The following PCDHGA6 variants were observed in gnomAD, a reference collection of about 807,000 sequenced individuals.
PCDHGA6 encodes protocadherin gamma subfamily A, 6, also known as protocadherin gamma-A6.
PCDHGA6 carries 41 observed loss-of-function variants against 60.6 expected under a neutral mutation model. That is an observed-to-expected ratio of 0.68 (90% CI 0.53 to 0.88). The LOEUF is 0.88. Ranked by LOEUF, PCDHGA6 falls within the 40% of genes least tolerant of loss-of-function variation. The pLI is 0.00. For synonymous variants in PCDHGA6, 594 were observed against 524.4 expected (o/e 1.13, Z -1.81); for missense variants, 1,312 against 1,203.0 (o/e 1.09, Z -1.34).
chr5:141,478,454 A>T, intron 1 of PCDHGA6: 1 of 1,613,596 alleles, frequency 6.2e-7, no homozygotes. Flanking sequence ...TGGTGCAGCC[A>T]GTCCACTGGC....
intron 1 of PCDHGA6, chr5:141,415,740 G>GTTTTGTTTTT (rs2095911163): frequency 1.9e-6 from 1 of 515,998 alleles, no homozygotes; most frequent in African/African-American, 2.8e-5. Context: ...GTTTATTAAG[G>GTTTTGTTTTT]TTTTTTTTTT....
At position 141,428,173 on chromosome 5, in the gene PCDHGA6, C is replaced by T. The variant is rs192741775; in HGVS notation, c.2424+51666C>T. The T allele has an allele frequency of 3.3e-6, 5 of 1,514,730 alleles. No homozygotes were observed. In the East Asian group the frequency reaches 9.1e-5, roughly 28 times the overall value. 93.8% of individuals were successfully genotyped at this position (1,514,730 alleles called of 1,614,324 possible). A position where few individuals can be genotyped will look rare whatever the true frequency, so the allele number is the denominator to read the frequency against. On this transcript the variant is annotated intron_variant, in intron 1 of 3. Transcript: ENST00000517434. ...GGAACCTGCTGGTTGCTGTGCGTGA[C>T]GGAGGACAGCCGCCGCTCTCTGCGC... is the stretch of plus-strand genomic sequence containing the variant.
At chr5:141,458,064 C>T (rs886724551) in intron 1 of PCDHGA6, among the ~76,000 whole-genome samples, 14 of 152,104 alleles carry the variant, frequency 9.2e-5, no homozygotes, top group East Asian at 3.9e-4. Context: ...TGCACTGATG[C>T]GAACAACTAT....
intron 1 of PCDHGA6, chr5:141,418,003 G>T (rs1441842557): frequency 6.2e-7 from 1 of 1,613,798 alleles, no homozygotes; most frequent in Non-Finnish European, 8.5e-7. Context: ...CGGTGGTGGG[G>T]AACCTCGCTA....
chr5:141,476,061 C>T lies in PCDHGA6; in HGVS notation c.2425-18746C>T. On this transcript the variant is annotated intron_variant, in intron 1 of 3. Coordinates refer to ENST00000517434, the MANE Select transcript of PCDHGA6 (RefSeq NM_018919.3). The surrounding 1 kb of genome is among the most constrained non-coding windows in gnomAD (Gnocchi z 7.6). Reference sequence around the variant, plus strand: ...AAGCGCTAACCCGCTGAAAGTTTCTCAGCGAAATCTCAGGGACGATCTGGA... The same window carrying T: ...AAGCGCTAACCCGCTGAAAGTTTCTTAGCGAAATCTCAGGGACGATCTGGA... The T allele has an allele frequency of 6.6e-7, 1 of 1,508,880 alleles. No homozygotes were observed. Among genetic ancestry groups the T allele is most frequent in the Non-Finnish European group, 8.8e-7 (1 of 1,136,354 alleles). 93.5% of individuals were successfully genotyped at this position (1,508,880 alleles called of 1,614,324 possible).
intron 1 of PCDHGA6, chr5:141,423,314 T>C: frequency 6.2e-7 from 1 of 1,614,178 alleles, no homozygotes; most frequent in Non-Finnish European, 8.5e-7. Context: ...TACTTGGTGG[T>C]GGCGGTGGCC....
intron 1 of PCDHGA6, chr5:141,399,574 G>C (rs1191176960): frequency 6.2e-7 from 1 of 1,614,046 alleles, no homozygotes; most frequent in Middle Eastern, 1.6e-4. Flanking sequence ...GAACGGCCAA[G>C]TCTCCTACTC....
At chr5:141,415,754 T>TTG in intron 1 of PCDHGA6, 4 of 1,385,736 alleles carry the variant, frequency 2.9e-6, no homozygotes, top group South Asian at 1.7e-5. Flanking sequence ...TTTTTTTTTT[T>TTG]TTTTTTTTTT....
Position 141,491,273 on chromosome 5 carries a change from G to A in PCDHGA6, c.2425-3534G>A. ...GACCCTGAGGAAATGCCCAAATCCA[G>A]TGACTTCCTCATACACCCTCCTGAG... On this transcript the variant is annotated intron_variant, in intron 1 of 3. Coordinates refer to ENST00000517434, the MANE Select transcript of PCDHGA6 (RefSeq NM_018919.3). This position sits in a 1 kb window ranked among gnomAD's most constrained non-coding sequence, Gnocchi z 6.9. The A allele has an allele frequency of 6.2e-7, 1 of 1,614,182 alleles. No individual in the cohort carries two copies. Among genetic ancestry groups the A allele is most frequent in the South Asian group, 1.1e-5 (1 of 91,082 alleles).
intron 1 of PCDHGA6, among the ~76,000 whole-genome samples, chr5:141,386,310 A>G (rs891781671): frequency 6.6e-6 from 1 of 152,216 alleles, no homozygotes; most frequent in African/African-American, 2.4e-5. Flanking sequence ...AGCTCAGTAT[A>G]TCAAGTGATT....
intron 1 of PCDHGA6, among the ~76,000 whole-genome samples, chr5:141,380,119 C>G (rs1776230569): frequency 6.6e-6 from 1 of 151,916 alleles, no homozygotes; most frequent in Non-Finnish European, 1.5e-5. Flanking sequence ...AGGCTGGTCT[C>G]AAACTCCTGA....
At chr5:141,484,425 A>G (rs2099596309) in intron 1 of PCDHGA6, among the ~76,000 whole-genome samples, 3 of 152,192 alleles carry the variant, frequency 2.0e-5, no homozygotes, top group African/African-American at 7.2e-5. Flanking sequence ...TACAATGAGA[A>G]CATGTACTGC....
rs777487681 is a variant in PCDHGA6, at chr5:141,432,809, T to C, written c.2424+56302T>C. 2.5e-6 allele frequency: 4 copies of C among 1,613,280 alleles called. No individual in the cohort carries two copies. In the African/African-American group the frequency reaches 5.4e-5, roughly 22 times the overall value. The stretch of plus-strand genomic sequence containing the variant: ...CGGCAGCCTCGAGTCTCCAGCTAAC[T>C]CTGAAACCTCAGACCTCACTCTGTA... On this transcript the variant is annotated intron_variant, in intron 1 of 3. Coordinates refer to ENST00000517434, the MANE Select transcript of PCDHGA6 (RefSeq NM_018919.3). The surrounding 1 kb of genome is among the most constrained non-coding windows in gnomAD (Gnocchi z 6.0).
In PCDHGA6 at chr5:141,476,258, G is replaced by A. The variant is rs1247889010; in HGVS notation, c.2425-18549G>A. 1 of 1,614,018 alleles carries A rather than the reference G, an allele frequency of 6.2e-7. No individual in the cohort carries two copies. Among genetic ancestry groups the A allele is most frequent in the South Asian group, 1.1e-5 (1 of 91,066 alleles). Reference sequence around the variant, plus strand: ...GGAAAGAGAGAAGGGTTTCGCTGTGGGCAACGTGGTCGCGAACCTTGGTTT... The same window carrying A: ...GGAAAGAGAGAAGGGTTTCGCTGTGAGCAACGTGGTCGCGAACCTTGGTTT... On this transcript the variant is annotated intron_variant, in intron 1 of 3. Coordinates refer to ENST00000517434, the MANE Select transcript of PCDHGA6 (RefSeq NM_018919.3). This position sits in a 1 kb window ranked among gnomAD's most constrained non-coding sequence, Gnocchi z 7.6.
At position 141,375,640 on chromosome 5, in the gene PCDHGA6, C is replaced by G. The variant is rs1375647493; in HGVS notation, c.1557C>G (p.Ser519=). The G allele has an allele frequency of 6.2e-7, 1 of 1,614,226 alleles. No individual in the cohort carries two copies. Among genetic ancestry groups the G allele is most frequent in the Non-Finnish European group, 8.5e-7 (1 of 1,180,026 alleles). The change falls in exon 1 of 4, where the codon TCC becomes TCG. Residue 519 remains serine (S), a synonymous_variant. Coordinates refer to ENST00000517434, the MANE Select transcript of PCDHGA6 (RefSeq NM_018919.3). ...CTGGGATTCTGTACGCCCTGCGCTC[C>G]TTCGACTATGAGCAGTTGAGAGACC... ...SDTGILYALR[S]FDYEQLRDLQ... is the part of the protein sequence containing the mutation.
At position 141,431,696 on chromosome 5, in the gene PCDHGA6, G is replaced by T; in HGVS notation, c.2424+55189G>T. ...AGGGGAGTTGGACCACGAGGAGTCA[G>T]GATTCTACCAGATGGAAGTGCAAGC... On this transcript the variant is annotated intron_variant, in intron 1 of 3. Transcript: ENST00000517434. The surrounding 1 kb of genome is among the most constrained non-coding windows in gnomAD (Gnocchi z 4.8). 6.2e-7 allele frequency: 1 copy of T among 1,614,238 alleles called. No individual in the cohort carries two copies. Among genetic ancestry groups the T allele is most frequent in the Non-Finnish European group, 8.5e-7 (1 of 1,180,038 alleles).
intron 1 of PCDHGA6, chr5:141,418,261 G>T (rs763160633): frequency 1.9e-6 from 3 of 1,613,938 alleles, no homozygotes; most frequent in Non-Finnish European, 2.5e-6. Flanking sequence ...CTCAATTCCG[G>T]AAAGATGAAA....
chr5:141,380,649 A>G (rs1354203302), intron 1 of PCDHGA6, among the ~76,000 whole-genome samples: 1 of 152,230 alleles, frequency 6.6e-6, no homozygotes, highest in East Asian at 1.9e-4. Flanking sequence ...GCTAGAGACA[A>G]TGAAGCCATT....
At chr5:141,509,032 A>G (rs2099873869) in intron 3 of PCDHGA6, among the ~76,000 whole-genome samples, 1 of 151,488 alleles carries the variant, frequency 6.6e-6, no homozygotes, top group African/African-American at 2.4e-5. Flanking sequence ...CTCCCACTCA[A>G]CCCCTCTCCC....
Sources: gnomAD v4.1 joint callset for allele counts (sites outside exome capture counted in the v4.1 genomes callset) on GRCh38, gnomAD v4.1.1 for gene constraint, Gnocchi (gnomAD v3.1) non-coding constraint, MANE v1.5 for transcripts, NCBI Gene and HGNC (gene_info 2026-07-23, HGNC 2026-07-21) for gene names.